ZER1: variants seen among roughly 807,000 people sequenced by gnomAD.
The protein encoded by ZER1 is zyg-11 related cell cycle regulator.
ZER1 carries 11 observed loss-of-function variants against 78.8 expected under a neutral mutation model. The observed-to-expected ratio is 0.14, with a 90% CI of 0.09 to 0.23. The LOEUF (loss-of-function observed/expected upper bound fraction) is 0.23, where lower values mean the gene tolerates loss of function less well. Ranked by LOEUF, ZER1 falls within the 10% of genes least tolerant of loss-of-function variation. ZER1 has a pLI of 1.00. For synonymous variants in ZER1, 400 were observed against 407.0 expected (o/e 0.98, Z 0.21); for missense variants, 588 against 996.9 (o/e 0.59, Z 5.52).
In ZER1 at chr9:128,764,072, G is replaced by A. The variant is rs138858801; in HGVS notation, c.-95+7509C>T. 3.4e-3 allele frequency among the ~76,000 whole-genome samples: 515 copies of A among 152,228 alleles called. 8 individuals carry two copies. The East Asian group carries it at 0.036, about 10-fold the overall frequency. ...GGTGGAGGGGAGAGAAGGGGAAGGC[G>A]CTTTGGGAGGAAGCAAAGAAGTACC... On this transcript the variant is annotated intron_variant, in intron 1 of 15. Transcript: ENST00000291900.
chr9:128,762,565 G>A (rs764833944), intron 1 of ZER1, among the ~76,000 whole-genome samples: 2 of 152,230 alleles, frequency 1.3e-5, no homozygotes, highest in African/African-American at 2.4e-5. Context: ...AGCACGGTGT[G>A]AAGATTCCAT....
chr9:128,748,548 G>A (rs963020586), intron 8 of ZER1, among the ~76,000 whole-genome samples: 3 of 151,938 alleles, frequency 2.0e-5, no homozygotes, highest in Non-Finnish European at 4.4e-5. Flanking sequence ...TCCAGCCTTG[G>A]CAACAAAGTG....
rs560257123 is a variant in ZER1 at position 128,738,095 on chromosome 9, A to G, written c.2042+1836T>C. Reference sequence around the variant, plus strand: ...AGTCTCGCTCTGTCGCCCAGGCTGGAGTGCAGTGGCGCGATCTTGGCTAAC... The same window carrying G: ...AGTCTCGCTCTGTCGCCCAGGCTGGGGTGCAGTGGCGCGATCTTGGCTAAC... On this transcript the variant is annotated intron_variant, in intron 13 of 15. Coordinates refer to ENST00000291900, the MANE Select transcript of ZER1 (RefSeq NM_006336.4). Among the ~76,000 whole-genome samples the G allele has an allele frequency of 4.7e-5, 7 of 148,466 alleles. No individual in the cohort carries two copies. In the South Asian group the frequency reaches 1.3e-3, roughly 27 times the overall value.
intron 8 of ZER1, among the ~76,000 whole-genome samples, chr9:128,743,385 G>C (rs1863372519): frequency 6.6e-6 from 1 of 151,886 alleles, no homozygotes. Context: ...CAAAGTGTTG[G>C]GATTACAGGT....
At position 128,751,064 on chromosome 9, in the gene ZER1, C is replaced by A; in HGVS notation, c.1185+58G>T. The A allele has an allele frequency of 1.3e-6, 2 of 1,533,230 alleles. No individual in the cohort carries two copies. Among genetic ancestry groups the A allele is most frequent in the Non-Finnish European group, 1.8e-6 (2 of 1,137,982 alleles). The allele number at this position is 1,533,230 out of a possible 1,614,324, so 95.0% of individuals were successfully genotyped here. On this transcript the variant is annotated intron_variant, in intron 7 of 15. Transcript: ENST00000291900. The surrounding 1 kb of genome is among the most constrained non-coding windows in gnomAD (Gnocchi z 5.4). ...GCTCTGGGGACACGGCTCAGCCAAG[C>A]CCGGCAACCTCCAGGTGGGGAGGGA...
chr9:128,731,228 T>C lies in ZER1; in HGVS notation c.*109A>G. On this transcript the variant is annotated 3_prime_UTR_variant, in exon 16 of 16. Transcript: ENST00000291900. ...GTTGTGCAAAAGTCCCCCATGTCTC[T>C]TCACTCCGTGGGAGGCTCCCTCGGA... 1 of 943,632 alleles carries C rather than the reference T, an allele frequency of 1.1e-6. No individual in the cohort carries two copies. The highest frequency in any genetic ancestry group is 1.6e-6 in the Non-Finnish European group (1 of 633,698). The allele number at this position is 943,632 out of a possible 1,614,324, so 58.5% of individuals were successfully genotyped here. A position where few individuals can be genotyped will look rare whatever the true frequency, so the allele number is the denominator to read the frequency against.
Position 128,762,514 on chromosome 9 carries a change from A to T in ZER1, c.-94-6855T>A, listed in dbSNP as rs193008827. Among the ~76,000 whole-genome samples the T allele has an allele frequency of 1.1e-3, 168 of 152,324 alleles. 4 individuals are homozygous for T. In the East Asian group the frequency reaches 0.024, roughly 22 times the overall value. On this transcript the variant is annotated intron_variant, in intron 1 of 15. Coordinates refer to ENST00000291900, the MANE Select transcript of ZER1 (RefSeq NM_006336.4). ...GTCTCCACCTCTCTGTGCCTCAGTC[A>T]CTTTTCCTCTAAAATAGAAGCAGCA...
intron 8 of ZER1, among the ~76,000 whole-genome samples, chr9:128,745,237 G>A (rs967266285): frequency 1.3e-4 from 17 of 126,456 alleles, no homozygotes; most frequent in Admixed American, 3.6e-4. Flanking sequence ...GTCTGATTCT[G>A]TTGCCCAGGC....
Position 128,755,788 on chromosome 9 carries a change from G to A in ZER1, c.-94-129C>T. 3.4e-6 allele frequency: 2 copies of A among 587,178 alleles called. No individual in the cohort carries two copies. The highest frequency in any genetic ancestry group is 2.9e-6 in the Non-Finnish European group (1 of 339,564). 36.4% of individuals were successfully genotyped at this position (587,178 alleles called of 1,614,324 possible). ...TAGCAGCTTAGCAGGGCCAGGCCCAGGTCTCCTGACTCCTTCTTTCACCCG... is the reference window on the plus strand; with the variant it reads ...TAGCAGCTTAGCAGGGCCAGGCCCAAGTCTCCTGACTCCTTCTTTCACCCG... On this transcript the variant is annotated intron_variant, in intron 1 of 15. Coordinates refer to ENST00000291900, the MANE Select transcript of ZER1 (RefSeq NM_006336.4). The surrounding 1 kb of genome is among the most constrained non-coding windows in gnomAD (Gnocchi z 5.6).
At chr9:128,768,779 C>A (rs74600035) in intron 1 of ZER1, among the ~76,000 whole-genome samples, 4,977 of 152,216 alleles carry the variant, frequency 0.033, 99 homozygotes, top group Middle Eastern at 0.075. Context: ...CTCTGCCGGG[C>A]ACTTCCGGAT....
intron 1 of ZER1, among the ~76,000 whole-genome samples, chr9:128,760,798 G>A (rs1864016557): frequency 1.4e-5 from 2 of 144,368 alleles, no homozygotes; most frequent in East Asian, 2.3e-4. Context: ...TGGCGACACA[G>A]CGAGACTCCG....
intron 8 of ZER1, among the ~76,000 whole-genome samples, chr9:128,743,031 A>G (rs996805056): frequency 4.6e-5 from 7 of 152,202 alleles, no homozygotes; most frequent in Admixed American, 2.6e-4. Flanking sequence ...AGCACCCCGA[A>G]GTCCCCACTG....
At chr9:128,733,646 C>G in intron 14 of ZER1, 118 bp from the exon 15 acceptor site, 1 of 877,650 alleles carries the variant, frequency 1.1e-6, no homozygotes, top group African/African-American at 1.7e-5. Context: ...AGGCACAGCC[C>G]TTGGTGGGGG....
At chr9:128,734,571 C>T (rs1274148931) in intron 14 of ZER1, among the ~76,000 whole-genome samples, 2 of 151,620 alleles carry the variant, frequency 1.3e-5, no homozygotes, top group African/African-American at 4.8e-5. Context: ...TGGGCTCAAA[C>T]AATCCTCCCA....
intron 1 of ZER1, among the ~76,000 whole-genome samples, chr9:128,760,920 G>C (rs1290364035): frequency 6.6e-6 from 1 of 152,036 alleles, no homozygotes; most frequent in African/African-American, 2.4e-5. Context: ...AGCACTTTGG[G>C]AGGCCGAGGC....
At chr9:128,763,398 T>C (rs1007287620) in intron 1 of ZER1, among the ~76,000 whole-genome samples, 3 of 152,220 alleles carry the variant, frequency 2.0e-5, no homozygotes, top group Admixed American at 1.3e-4. Flanking sequence ...TTCAGCATCC[T>C]TGATGGATGG....
At position 128,733,528 on chromosome 9, in the gene ZER1, G is replaced by A. The variant is rs1392263513; in HGVS notation, c.2141C>T (p.Pro714Leu). Residue 714 changes from proline to leucine, a missense_variant and splice_region_variant, in exon 15 of 16, where the codon CCG (proline) becomes CTG (leucine). This residue lies in a region of ZER1 where 122 missense variants were observed against 173.5 expected (regional missense o/e 0.70). Coordinates refer to ENST00000291900, the MANE Select transcript of ZER1 (RefSeq NM_006336.4). ...WALYNLVSVY[P>L]DKYCPLLIKE... ...GATCAGCAGAGGGCAGTACTTGTCC[G>A]CTGTGGGATAGGAGCAGACAGCAGA... 4 of 1,612,250 alleles carry A rather than the reference G, an allele frequency of 2.5e-6. No homozygotes were observed. Among genetic ancestry groups the A allele is most frequent in the Non-Finnish European group, 3.4e-6 (4 of 1,179,168 alleles).
chr9:128,758,248 T>C (rs1457753434), intron 1 of ZER1, among the ~76,000 whole-genome samples: 2 of 151,228 alleles, frequency 1.3e-5, no homozygotes, highest in Non-Finnish European at 2.9e-5. Context: ...GCCTCCCGAA[T>C]ACCTGGGATT....
intron 1 of ZER1, among the ~76,000 whole-genome samples, chr9:128,770,815 A>T (rs1864360241): frequency 6.6e-6 from 1 of 152,134 alleles, no homozygotes; most frequent in Non-Finnish European, 1.5e-5. Flanking sequence ...ATTCTGTGAA[A>T]GATCATATAT....
Sources: allele counts gnomAD v4.1 joint callset (sites outside exome capture counted in the v4.1 genomes callset), GRCh38; gene constraint gnomAD v4.1.1; regional missense constraint gnomAD v4.1.1; non-coding constraint Gnocchi (gnomAD v3.1); transcripts MANE v1.5; gene names NCBI Gene and HGNC (gene_info 2026-07-23, HGNC 2026-07-21).